Variants in TNNC2 observed in about 807,000 individuals in gnomAD.
TNNC2 encodes troponin C2, fast skeletal type.
A neutral mutation model predicts 20.0 loss-of-function variants in TNNC2; 14 were observed. That is an observed-to-expected ratio of 0.70 (90% confidence interval 0.46 to 1.09). The LOEUF is 1.09. Among genes scored for constraint, TNNC2 ranks in the 50% least tolerant of loss-of-function variants. The pLI is 0.00. For missense variants in TNNC2, 163 were observed against 223.8 expected (o/e 0.73, Z 1.73); for synonymous variants, 81 against 77.3 (o/e 1.05, Z -0.25).
At position 45,823,265 on chromosome 20, in the gene TNNC2, C is replaced by A; in HGVS notation, c.*83G>T. ...CCAGACAAAGACCCACAAGGGGTCG[C>A]GCCTCCCTGGTGGGGACCCGGCAGG... On this transcript the variant is annotated 3_prime_UTR_variant, in exon 6 of 6. Transcript: ENST00000372555. This position sits in a 1 kb window ranked among gnomAD's most constrained non-coding sequence, Gnocchi z 4.6. The A allele has an allele frequency of 7.4e-7, 1 of 1,345,450 alleles. No individual in the cohort carries two copies. The highest frequency in any genetic ancestry group is 2.7e-5 in the Admixed American group (1 of 36,758). The allele number at this position is 1,345,450 out of a possible 1,614,324, so 83.3% of individuals were successfully genotyped here. A position where few individuals can be genotyped will look rare whatever the true frequency, so the allele number is the denominator to read the frequency against.
At chr20:45,827,153 C>T in intron 1 of TNNC2, 93 bp downstream of exon 1, 1 of 1,553,064 alleles carries the variant, frequency 6.4e-7, no homozygotes, top group East Asian at 2.3e-5. Context: ...CTCAAACATC[C>T]AAGTTACTGC....
chr20:45,828,676 A>C (rs1172048008), upstream of TNNC2, among the ~76,000 whole-genome samples: 2 of 152,150 alleles, frequency 1.3e-5, no homozygotes. Flanking sequence ...GCCCAACCTG[A>C]GAATCCACAA....
intron 3 of TNNC2, 35 bp from the exon 4 acceptor site, chr20:45,824,441 C>T (rs754196496): frequency 1.2e-6 from 2 of 1,611,404 alleles, no homozygotes; most frequent in South Asian, 1.1e-5. Context: ...AGCCTGAGCC[C>T]AGCCGCTGCC....
In TNNC2 at chr20:45,824,636, A is replaced by G; in HGVS notation, c.58T>C (p.Phe20Leu). 6.2e-7 allele frequency: 1 copy of G among 1,608,502 alleles called. No individual in the cohort carries two copies. ...SYLSEEMIAEFKAAFDMFDAD... is the reference protein window; with the variant it reads ...SYLSEEMIAELKAAFDMFDAD... ...TCAAACATGTCAAAGGCAGCCTTGA[A>G]CTCTGCGAGGGAGGGCAGAGGGCAG... is the stretch of plus-strand genomic sequence containing the variant. Residue 20 changes from phenylalanine (F) to leucine (L), a missense_variant and splice_region_variant, in exon 3 of 6, where the codon TTC (phenylalanine) becomes CTC (leucine). Transcript: ENST00000372555.
Sources: allele counts gnomAD v4.1 joint callset (sites outside exome capture counted in the v4.1 genomes callset), GRCh38; gene constraint gnomAD v4.1.1; non-coding constraint Gnocchi (gnomAD v3.1); transcripts MANE v1.5; gene names NCBI Gene and HGNC (gene_info 2026-07-23, HGNC 2026-07-21).